The following CLIP4 variants were observed in gnomAD, a reference collection of about 807,000 sequenced individuals.
The protein encoded by CLIP4 is CAP-Gly domain-containing linker protein 4.
CLIP4 carries 47 observed loss-of-function variants against 73.1 expected under a neutral mutation model. The ratio of observed to expected loss-of-function variants is 0.64; its 90% CI spans 0.51 to 0.82. CLIP4 has a LOEUF of 0.82. CLIP4 is among the 40% of genes least tolerant of loss of function. The pLI, the probability that CLIP4 is intolerant of heterozygous loss-of-function variation, is 0.00. For missense variants in CLIP4, 874 were observed against 852.9 expected (o/e 1.02, Z -0.31); for synonymous variants, 306 against 295.4 (o/e 1.04, Z -0.37).
intron 15 of CLIP4, chr2:29,175,621 C>T (rs1668279952): frequency 1.3e-5 from 2 of 152,132 alleles, no homozygotes; most frequent in Non-Finnish European, 2.9e-5. Flanking sequence ...ACACAAGACG[C>T]TCTGTAGACG....
intron 15 of CLIP4, among the ~76,000 whole-genome samples, chr2:29,180,736 C>A (rs1432870057): frequency 6.6e-6 from 1 of 151,366 alleles, no homozygotes; most frequent in Non-Finnish European, 1.5e-5. Context: ...TTAAAACAGC[C>A]AAAATACTAG....
At chr2:29,166,115 A>G (rs1345411335) in intron 13 of CLIP4, among the ~76,000 whole-genome samples, 2 of 152,224 alleles carry the variant, frequency 1.3e-5, no homozygotes, top group African/African-American at 2.4e-5. Context: ...TAGGCATTCT[A>G]TAAGCGAATA....
At position 29,181,458 on chromosome 2, in the gene CLIP4, T is replaced by C. The variant is rs1047881199; in HGVS notation, c.1797-114T>C. On this transcript the variant is annotated intron_variant, in intron 15 of 15. Transcript: ENST00000320081. ...ATCAAGTTGTGACCATAAAGTATTC[T>C]CTTTTGGGAACTGAGTGAATGAATT... 7.0e-6 allele frequency: 6 copies of C among 854,282 alleles called. No individual in the cohort carries two copies. The African/African-American group carries it at 1.0e-4, about 15-fold the overall frequency. 52.9% of individuals were successfully genotyped at this position (854,282 alleles called of 1,614,324 possible).
chr2:29,103,744 G>A (rs1332905398), intron 1 of CLIP4, among the ~76,000 whole-genome samples: 2 of 149,778 alleles, frequency 1.3e-5, no homozygotes, highest in African/African-American at 4.9e-5. Context: ...ATGGAGTTTT[G>A]CTCCTGTCAC....
intron 8 of CLIP4, among the ~76,000 whole-genome samples, 183 bp downstream of exon 8, chr2:29,145,550 A>T (rs561204355): frequency 1.3e-5 from 2 of 152,298 alleles, no homozygotes; most frequent in South Asian, 4.1e-4. Flanking sequence ...ACGAGAGGCG[A>T]CGTGAGAGGG....
In CLIP4 at chr2:29,115,440, C is replaced by A. The variant is rs1394423658; in HGVS notation, c.-241C>A. ...GTCCCCACCGAGTCCCCAGCGCGTGCGCGGGGCCGTGGCCGAGGCCTGCGC... is the reference window on the plus strand; with the variant it reads ...GTCCCCACCGAGTCCCCAGCGCGTGAGCGGGGCCGTGGCCGAGGCCTGCGC... On this transcript the variant is annotated 5_prime_UTR_variant, in exon 1 of 16. Transcript: ENST00000320081. This position sits in a 1 kb window ranked among gnomAD's most constrained non-coding sequence, Gnocchi z 5.1. 6.7e-6 allele frequency: 1 copy of A among 149,964 alleles called. No homozygotes were observed. The highest frequency in any genetic ancestry group is 2.1e-4 in the South Asian group (1 of 4,816). 9.3% of individuals were successfully genotyped at this position (149,964 alleles called of 1,614,324 possible).
chr2:29,161,607 A>G (rs1667296234), intron 12 of CLIP4, among the ~76,000 whole-genome samples: 1 of 152,226 alleles, frequency 6.6e-6, no homozygotes, highest in Non-Finnish European at 1.5e-5. Flanking sequence ...AGCAGTAGCC[A>G]GAGTATCAGC....
At chr2:29,144,005 A>T in intron 7 of CLIP4, 60 bp downstream of exon 7, 13 of 1,341,426 alleles carry the variant, frequency 9.7e-6, no homozygotes, top group East Asian at 2.5e-5. Flanking sequence ...CCTATGTTCA[A>T]GGACACAGTA....
intron 1 of CLIP4, among the ~76,000 whole-genome samples, chr2:29,109,866 T>A (rs1668338830): frequency 6.6e-6 from 1 of 152,138 alleles, no homozygotes; most frequent in Non-Finnish European, 1.5e-5. Flanking sequence ...AAGACCAGCC[T>A]GGCCGTCATA....
chr2:29,111,292 A>G (rs574432553), upstream of CLIP4, among the ~76,000 whole-genome samples: 1 of 152,368 alleles, frequency 6.6e-6, no homozygotes, highest in East Asian at 1.9e-4. Context: ...TGGTGTGTTG[A>G]AAACAGTTCA....
At position 29,163,750 on chromosome 2, in the gene CLIP4, C is replaced by T; in HGVS notation, c.1535-81C>T. 4 of 1,382,768 alleles carry T rather than the reference C, an allele frequency of 2.9e-6. No individual in the cohort carries two copies. The Admixed American group carries it at 9.8e-5, about 34-fold the overall frequency. 85.7% of individuals were successfully genotyped at this position (1,382,768 alleles called of 1,614,324 possible). On this transcript the variant is annotated intron_variant, in intron 12 of 15. Transcript: ENST00000320081. ...GGTCATTTATGGAAATGTTAAAACA[C>T]CTCGACTTTGGTTTTGTATAGTAGC...
In CLIP4 at chr2:29,135,565, A is replaced by C; in HGVS notation, c.547A>C (p.Ser183Arg). 2 of 1,608,360 alleles carry C rather than the reference A, an allele frequency of 1.2e-6. No homozygotes were observed. Among genetic ancestry groups the C allele is most frequent in the Non-Finnish European group, 1.7e-6 (2 of 1,177,936 alleles). The change falls in exon 6 of 16, where the codon AGT (serine) becomes CGT (arginine). Residue 183 changes from serine (S) to arginine (R), a missense_variant. By Grantham distance (110) the Ser-to-Arg change is moderately radical. Coordinates refer to ENST00000320081, the MANE Select transcript of CLIP4 (RefSeq NM_024692.6). ...SKPKDVDATC[S>R]DFNFGTALHI... ...AATTGCAGATGTGGATGCCACTTGC[A>C]GTGATTTTAATTTTGGAACAGCTTT...
At chr2:29,100,342 T>A (rs1269831473) in intron 1 of CLIP4, among the ~76,000 whole-genome samples, 1 of 152,154 alleles carries the variant, frequency 6.6e-6, no homozygotes, top group Non-Finnish European at 1.5e-5. Flanking sequence ...GAAAAAAATA[T>A]GAAATTAAAT....
chr2:29,131,168 T>A, intron 2 of CLIP4, 90 bp from the exon 3 acceptor site: 1 of 1,109,474 alleles, frequency 9.0e-7, no homozygotes, highest in Non-Finnish European at 1.3e-6. Context: ...AATATTTGTA[T>A]CATTTGAACC....
chr2:29,174,618 C>T (rs534372316), intron 15 of CLIP4, 173 bp downstream of exon 15: 82 of 1,339,620 alleles, frequency 6.1e-5, no homozygotes, highest in South Asian at 3.3e-4. Flanking sequence ...CCTTTGCAAG[C>T]GCAATTAAAA....
chr2:29,120,177 A>T (rs753610250), intron 1 of CLIP4, among the ~76,000 whole-genome samples: 1 of 152,186 alleles, frequency 6.6e-6, no homozygotes, highest in African/African-American at 2.4e-5. Flanking sequence ...GCATCCAAGA[A>T]AATGTGAATA....
At chr2:29,098,322 C>T (rs62132773) in intron 1 of CLIP4, among the ~76,000 whole-genome samples, 18,603 of 152,240 alleles carry the variant, frequency 0.12, 1,537 homozygotes, top group Middle Eastern at 0.24. Flanking sequence ...TTGACAAATG[C>T]ATAATGTCGT....
intron 13 of CLIP4, among the ~76,000 whole-genome samples, chr2:29,165,500 TGC>T: frequency 6.6e-6 from 1 of 152,334 alleles, no homozygotes; most frequent in Non-Finnish European, 1.5e-5. Flanking sequence ...TCAGCATGTG[TGC>T]CCTTAACCGT....
chr2:29,110,328 G>C (rs1027796012), intron 1 of CLIP4, among the ~76,000 whole-genome samples: 1 of 152,228 alleles, frequency 6.6e-6, no homozygotes, highest in African/African-American at 2.4e-5. Flanking sequence ...CCAGGTAGAA[G>C]CAGTAGGAGG....
Sources: gnomAD v4.1 joint callset for allele counts (sites outside exome capture counted in the v4.1 genomes callset) on GRCh38, gnomAD v4.1.1 for gene constraint, Gnocchi (gnomAD v3.1) non-coding constraint, MANE v1.5 for transcripts, NCBI Gene and HGNC (gene_info 2026-07-23, HGNC 2026-07-21) for gene names.